Variants in ZMAT4 observed in about 807,000 individuals in gnomAD.
ZMAT4 encodes the protein zinc finger matrin-type protein 4.
Under a neutral mutation model 28.7 loss-of-function variants are expected in ZMAT4, and 17 were observed. The ratio of observed to expected loss-of-function variants is 0.59; its 90% CI spans 0.41 to 0.89. The LOEUF (loss-of-function observed/expected upper bound fraction) is 0.89, where lower values mean the gene tolerates loss of function less well. Among genes scored for constraint, ZMAT4 ranks in the 40% least tolerant of loss-of-function variants. The pLI, the probability that ZMAT4 is intolerant of heterozygous loss-of-function variation, is 0.00. For missense variants in ZMAT4, 240 were observed against 283.8 expected, an observed-to-expected ratio of 0.85 and a Z score of 1.11; for synonymous variants, 117 against 109.2, an observed-to-expected ratio of 1.07 and a Z score of -0.44.
chr8:40,739,041 A>T (rs1047914121), intron 3 of ZMAT4, among the ~76,000 whole-genome samples: 1 of 152,212 alleles, frequency 6.6e-6, no homozygotes, highest in Non-Finnish European at 1.5e-5. Context: ...AATTGCATTC[A>T]GTTGTAAATT....
chr8:40,547,956 T>C (rs907858758), intron 6 of ZMAT4, among the ~76,000 whole-genome samples: 7 of 152,122 alleles, frequency 4.6e-5, no homozygotes, highest in Non-Finnish European at 1.0e-4. Context: ...AGTAGGGTGA[T>C]CTGGGACGGC....
At chr8:40,708,292 C>G (rs1810449376) in intron 3 of ZMAT4, among the ~76,000 whole-genome samples, 1 of 152,154 alleles carries the variant, frequency 6.6e-6, no homozygotes, top group Admixed American at 6.5e-5. Context: ...TGTCCCATCC[C>G]CACAGCAGAT....
At chr8:40,735,835 G>A (rs961507093) in intron 3 of ZMAT4, among the ~76,000 whole-genome samples, 5 of 152,158 alleles carry the variant, frequency 3.3e-5, no homozygotes, top group African/African-American at 1.2e-4. Flanking sequence ...CAGCATGTCT[G>A]GATGGGCGCT....
rs536034724 is a variant in ZMAT4 at position 40,876,847 on chromosome 8, G to T, written c.-5+20836C>A. On this transcript the variant is annotated intron_variant, in intron 1 of 6. Coordinates refer to ENST00000297737, the MANE Select transcript of ZMAT4 (RefSeq NM_024645.3). ...ACCCTTAACCCCTTCATTGTTCACA[G>T]ATGGACTGTATTACGAATCTGGCAG... Among the ~76,000 whole-genome samples the T allele has an allele frequency of 2.6e-5, 4 of 152,310 alleles. No homozygotes were observed. The East Asian group carries it at 7.7e-4, about 29-fold the overall frequency.
chr8:40,693,658 C>A lies in ZMAT4; in HGVS notation c.349+3587G>T, dbSNP rs185597235. On this transcript the variant is annotated intron_variant, in intron 4 of 6. Coordinates refer to ENST00000297737, the MANE Select transcript of ZMAT4 (RefSeq NM_024645.3). Reference sequence around the variant, plus strand: ...TTTAGGCTTTGTGACCTGGATCATCCCTGTTATAACAACTCACTTCTGCCA... The same window carrying A: ...TTTAGGCTTTGTGACCTGGATCATCACTGTTATAACAACTCACTTCTGCCA... 3.9e-5 allele frequency among the ~76,000 whole-genome samples: 6 copies of A among 152,256 alleles called. No homozygotes were observed. The South Asian group carries it at 1.2e-3, about 32-fold the overall frequency.
chr8:40,823,990 A>C (rs1815927639), intron 2 of ZMAT4, among the ~76,000 whole-genome samples: 1 of 152,208 alleles, frequency 6.6e-6, no homozygotes, highest in African/African-American at 2.4e-5. Context: ...AAGCATTTTC[A>C]CAGGTACAAT....
chr8:40,790,852 G>A (rs867098491), intron 2 of ZMAT4, among the ~76,000 whole-genome samples: 5 of 152,314 alleles, frequency 3.3e-5, no homozygotes, highest in Admixed American at 6.5e-5. Context: ...AAAGAACAGA[G>A]ATAGAGAACT....
At chr8:40,891,934 T>A (rs768011897) in intron 1 of ZMAT4, among the ~76,000 whole-genome samples, 7 of 152,312 alleles carry the variant, frequency 4.6e-5, no homozygotes, top group Non-Finnish European at 1.0e-4. Flanking sequence ...TGCTTCCTAC[T>A]TGGCTCAAAC....
chr8:40,564,827 G>A (rs1803860556), intron 6 of ZMAT4, among the ~76,000 whole-genome samples: 1 of 152,118 alleles, frequency 6.6e-6, no homozygotes, highest in African/African-American at 2.4e-5. Flanking sequence ...CATCCATTGT[G>A]GGCACAGGAT....
intron 4 of ZMAT4, among the ~76,000 whole-genome samples, chr8:40,687,420 G>C (rs568064758): frequency 4.5e-4 from 69 of 152,216 alleles, no homozygotes; most frequent in African/African-American, 1.5e-3. Flanking sequence ...TACCTGATGG[G>C]GGAGGGAGAG....
At chr8:40,721,100 G>T (rs1297227396) in intron 3 of ZMAT4, among the ~76,000 whole-genome samples, 5 of 141,378 alleles carry the variant, frequency 3.5e-5, no homozygotes, top group Admixed American at 2.1e-4. Flanking sequence ...CTAGCATTAG[G>T]TATATCTCCC....
intron 4 of ZMAT4, among the ~76,000 whole-genome samples, chr8:40,680,701 T>TACAC (rs71224844): frequency 1.2e-3 from 104 of 86,958 alleles, no homozygotes; most frequent in East Asian, 3.7e-3. Flanking sequence ...ATGTCTAATG[T>TACAC]ACACACACAC....
intron 2 of ZMAT4, among the ~76,000 whole-genome samples, chr8:40,818,848 A>C (rs1815642918): frequency 6.6e-6 from 1 of 152,244 alleles, no homozygotes; most frequent in Non-Finnish European, 1.5e-5. Flanking sequence ...GGCTATTAGA[A>C]AAAAGAAAAA....
chr8:40,614,909 C>A (rs1269442553), intron 5 of ZMAT4, among the ~76,000 whole-genome samples: 2 of 152,130 alleles, frequency 1.3e-5, no homozygotes, highest in African/African-American at 2.4e-5. Context: ...TTAATTGGAG[C>A]ATTTAGCCCA....
At chr8:40,859,355 C>A (rs989069662) in intron 1 of ZMAT4, among the ~76,000 whole-genome samples, 2 of 152,156 alleles carry the variant, frequency 1.3e-5, no homozygotes, top group Admixed American at 1.3e-4. Context: ...TTTGCTTCTG[C>A]CCTTTTTCCA....
chr8:40,601,441 G>GGAGGAAGA (rs1805308555), intron 5 of ZMAT4, among the ~76,000 whole-genome samples: 5 of 117,004 alleles, frequency 4.3e-5, no homozygotes, highest in African/African-American at 7.2e-5. Flanking sequence ...AGGAAGGAAG[G>GGAGGAAGA]AAGGAAGGAA....
In ZMAT4 at chr8:40,742,010, G is replaced by A. The variant is rs1258793395; in HGVS notation, c.192+25631C>T. On this transcript the variant is annotated intron_variant, in intron 3 of 6. Transcript: ENST00000297737. ...TCCCAATACTTTGAGAGGCTGAGGCGGGCAGATCACTTGAGGCCAGGAGTT... is the reference window on the plus strand; with the variant it reads ...TCCCAATACTTTGAGAGGCTGAGGCAGGCAGATCACTTGAGGCCAGGAGTT... Among the ~76,000 whole-genome samples, 5 of 152,030 alleles carry A rather than the reference G, an allele frequency of 3.3e-5. No individual in the cohort carries two copies. The East Asian group carries it at 5.8e-4, about 18-fold the overall frequency.
chr8:40,566,319 C>G (rs1803922325), intron 6 of ZMAT4, among the ~76,000 whole-genome samples: 1 of 152,144 alleles, frequency 6.6e-6, no homozygotes, highest in South Asian at 2.1e-4. Flanking sequence ...GAAATGAAAG[C>G]TGCCTCTCCA....
chr8:40,650,218 A>C (rs959501050), intron 5 of ZMAT4, among the ~76,000 whole-genome samples: 1 of 152,218 alleles, frequency 6.6e-6, no homozygotes, highest in Non-Finnish European at 1.5e-5. Flanking sequence ...AATCAAATAG[A>C]CGCAATAAAA....
Sources: allele counts gnomAD v4.1 joint callset (sites outside exome capture counted in the v4.1 genomes callset), GRCh38; gene constraint gnomAD v4.1.1; transcripts MANE v1.5; gene names NCBI Gene and HGNC (gene_info 2026-07-23, HGNC 2026-07-21).